SLC5A1: variants seen among roughly 807,000 people sequenced by gnomAD.
SLC5A1 encodes the protein solute carrier family 5 member 1.
Under a neutral mutation model 73.5 loss-of-function variants are expected in SLC5A1, and 42 were observed. That is an observed-to-expected ratio of 0.57 (90% CI 0.45 to 0.74). The LOEUF (loss-of-function observed/expected upper bound fraction) is 0.74, where lower values mean the gene tolerates loss of function less well. Among genes scored for constraint, SLC5A1 ranks in the 30% least tolerant of loss-of-function variants. The pLI is 0.00. For synonymous variants in SLC5A1, 300 were observed against 317.4 expected (o/e 0.95, Z 0.58); for missense variants, 634 against 855.4 (o/e 0.74, Z 3.23).
chr22:32,086,098 GCCACTGCA>G, intron 9 of SLC5A1, 114 bp from the exon 10 acceptor site: 1 of 700,688 alleles, frequency 1.4e-6, no homozygotes, highest in Middle Eastern at 2.5e-4. Context: ...CCGAGATCGT[GCCACTGCA>G]CTCCAGCCTG....
intron 2 of SLC5A1, among the ~76,000 whole-genome samples, chr22:32,056,456 T>TA (rs1817136175): frequency 6.8e-6 from 1 of 147,174 alleles, no homozygotes; most frequent in Non-Finnish European, 1.5e-5. Flanking sequence ...TTTTTTTTTT[T>TA]AGCATAAGTA....
At position 32,111,822 on chromosome 22, in the gene SLC5A1, T is replaced by C. The variant is rs530721689; in HGVS notation, c.*1609T>C. The C allele has an allele frequency of 6.6e-6, 1 of 152,338 alleles. No homozygotes were observed. Among genetic ancestry groups the C allele is most frequent in the East Asian group, 1.9e-4 (1 of 5,186 alleles). The allele number at this position is 152,338 out of a possible 1,614,324, so 9.4% of individuals were successfully genotyped here. A position where few individuals can be genotyped will look rare whatever the true frequency, so the allele number is the denominator to read the frequency against. On this transcript the variant is annotated 3_prime_UTR_variant, in exon 15 of 15. Coordinates refer to ENST00000266088, the MANE Select transcript of SLC5A1 (RefSeq NM_000343.4). ...CAATCTAAACTATCCGGTGTTTAGT[T>C]TGATTTTTTGAGTGCAGGTTCATTC...
At chr22:32,069,271 C>T (rs963037050) in intron 5 of SLC5A1, among the ~76,000 whole-genome samples, 16 of 151,932 alleles carry the variant, frequency 1.1e-4, no homozygotes, top group South Asian at 4.2e-4. Flanking sequence ...TGGGGGTGAG[C>T]GGGTGGGGAG....
rs754369288 is a variant in SLC5A1 at position 32,110,113 on chromosome 22, T to C, written c.1895T>C (p.Met632Thr). 9.9e-6 allele frequency: 16 copies of C among 1,614,172 alleles called. No homozygotes were observed. Among genetic ancestry groups the C allele is most frequent in the Non-Finnish European group, 1.4e-5 (16 of 1,180,000 alleles). ...GAGGAGAAAGCCATGAAGATGAAGA[T>C]GACGGACACCTCTGAGAAGCCTTTG... ...EEEEKAMKMKMTDTSEKPLWR... is the reference protein window; with the variant it reads ...EEEEKAMKMKTTDTSEKPLWR... The change falls in exon 15 of 15, where the codon ATG becomes ACG. Residue 632 changes from methionine (M) to threonine (T), a missense_variant. Coordinates refer to ENST00000266088, the MANE Select transcript of SLC5A1 (RefSeq NM_000343.4).
intron 10 of SLC5A1, among the ~76,000 whole-genome samples, chr22:32,091,264 T>G (rs1569313305): frequency 6.6e-6 from 1 of 150,844 alleles, no homozygotes; most frequent in Non-Finnish European, 1.5e-5. Context: ...AGAGACCTTA[T>G]AAAAATCCCC....
At chr22:32,049,383 T>C (rs1481494006) in intron 1 of SLC5A1, among the ~76,000 whole-genome samples, 2 of 146,950 alleles carry the variant, frequency 1.4e-5, no homozygotes, top group African/African-American at 4.9e-5. Context: ...ACATCCCATA[T>C]GGTACTTTTT....
rs200202680 is a variant in SLC5A1, at chr22:32,060,154, C to T, written c.208-6781C>T. ...ACATATATATACACATACACACACACACACACACACACACACACACACACA... is the reference window on the plus strand; with the variant it reads ...ACATATATATACACATACACACACATACACACACACACACACACACACACA... On this transcript the variant is annotated intron_variant, in intron 2 of 14. Transcript: ENST00000266088. Among the ~76,000 whole-genome samples, 367 of 40,676 alleles carry T rather than the reference C, an allele frequency of 9.0e-3. 6 individuals are homozygous for T. The highest frequency in any genetic ancestry group is 0.058 in the East Asian group (11 of 190). 26.7% of individuals were successfully genotyped at this position (40,676 alleles called of 152,430 possible). A position where few individuals can be genotyped will look rare whatever the true frequency, so the allele number is the denominator to read the frequency against.
In SLC5A1 at chr22:32,112,611, G is replaced by A. The variant is rs995211141; in HGVS notation, c.*2398G>A. On this transcript the variant is annotated 3_prime_UTR_variant, in exon 15 of 15. Coordinates refer to ENST00000266088, the MANE Select transcript of SLC5A1 (RefSeq NM_000343.4). ...AATGAGTACCAAACACAAAAGTCAA[G>A]CTTGTAAAATATCAGGCCTTGCCCC... 2.2e-4 allele frequency: 33 copies of A among 152,136 alleles called. No homozygotes were observed. The highest frequency in any genetic ancestry group is 8.0e-4 in the African/African-American group (33 of 41,430). The allele number at this position is 152,136 out of a possible 1,614,324, so 9.4% of individuals were successfully genotyped here. A position where few individuals can be genotyped will look rare whatever the true frequency, so the allele number is the denominator to read the frequency against.
intron 4 of SLC5A1, 127 bp from the exon 5 acceptor site, chr22:32,068,369 C>A: frequency 1.3e-6 from 1 of 764,774 alleles, no homozygotes; most frequent in Non-Finnish European, 2.3e-6. Context: ...ACTTCTCTGG[C>A]CAGCAAAAGT....
At position 32,091,724 on chromosome 22, in the gene SLC5A1, C is replaced by A; in HGVS notation, c.1242C>A (p.Arg414=). 6.2e-7 allele frequency: 1 copy of A among 1,614,008 alleles called. No individual in the cohort carries two copies. Among genetic ancestry groups the A allele is most frequent in the Non-Finnish European group, 8.5e-7 (1 of 1,179,968 alleles). ...LFTMDIYAKV[R]KRASEKELMI... is the part of the protein sequence containing the mutation. ...CCATGGACATCTACGCCAAGGTCCG[C>A]AAGAGAGCATCTGAGAAAGAGCTCA... Residue 414 remains arginine, a synonymous_variant, in exon 11 of 15, where the codon CGC becomes CGA. Transcript: ENST00000266088.
At chr22:32,102,780 G>T (rs973709306) in intron 13 of SLC5A1, among the ~76,000 whole-genome samples, 6 of 152,028 alleles carry the variant, frequency 3.9e-5, no homozygotes, top group Admixed American at 1.3e-4. Context: ...CATGAGTTTG[G>T]TTTTTAAAAC....
chr22:32,107,091 T>C (rs970101378), intron 14 of SLC5A1, among the ~76,000 whole-genome samples: 2 of 152,144 alleles, frequency 1.3e-5, no homozygotes, highest in African/African-American at 4.8e-5. Context: ...ATTCTAAAAC[T>C]TGTGACTGCA....
chr22:32,078,930 G>A (rs916624218), intron 5 of SLC5A1, among the ~76,000 whole-genome samples: 1 of 136,290 alleles, frequency 7.3e-6, no homozygotes, highest in African/African-American at 2.9e-5. Flanking sequence ...ACTCCAGCCT[G>A]GCGAAAGAGC....
chr22:32,053,200 G>T (rs2093947313), intron 2 of SLC5A1, among the ~76,000 whole-genome samples: 1 of 152,054 alleles, frequency 6.6e-6, no homozygotes, highest in Non-Finnish European at 1.5e-5. Flanking sequence ...GGTATATTTT[G>T]GGTGGGAGCT....
chr22:32,106,684 C>T (rs2094046572), intron 14 of SLC5A1, among the ~76,000 whole-genome samples: 1 of 152,206 alleles, frequency 6.6e-6, no homozygotes. Flanking sequence ...AACGCTTAGT[C>T]AGTGCCCAGA....
intron 14 of SLC5A1, among the ~76,000 whole-genome samples, 194 bp downstream of exon 14, chr22:32,105,085 G>A (rs921962559): frequency 1.7e-4 from 26 of 152,110 alleles, no homozygotes; most frequent in African/African-American, 6.0e-4. Context: ...GAAAGAAAGG[G>A]TACAGAATCA....
chr22:32,095,914 C>CGAA (rs1331104987), intron 11 of SLC5A1, among the ~76,000 whole-genome samples: 3 of 152,188 alleles, frequency 2.0e-5, no homozygotes, highest in African/African-American at 7.2e-5. Flanking sequence ...AAATACTTCT[C>CGAA]CCGTGATCTA....
intron 5 of SLC5A1, among the ~76,000 whole-genome samples, chr22:32,079,603 A>G (rs1177869144): frequency 1.3e-5 from 2 of 152,174 alleles, no homozygotes; most frequent in Non-Finnish European, 2.9e-5. Context: ...TACTCTGGAA[A>G]ATCAACCAAG....
rs144850068 is a variant in SLC5A1, at chr22:32,058,105, T to TAC, written c.207+8108_207+8109dup. 3.2e-3 allele frequency among the ~76,000 whole-genome samples: 479 copies of TAC among 150,736 alleles called. 5 individuals are homozygous for TAC. Among genetic ancestry groups the TAC allele is most frequent in the African/African-American group, 7.5e-3 (309 of 41,194 alleles). On this transcript the variant is annotated intron_variant, in intron 2 of 14. Transcript: ENST00000266088. Reference sequence around the variant, plus strand: ...TTGGATATATATATGTATACACAGGTACACACACACACACACACCTATGCA... The same window carrying TAC: ...TTGGATATATATATGTATACACAGGTACACACACACACACACACACCTATGCA...
Sources: allele counts gnomAD v4.1 joint callset (sites outside exome capture counted in the v4.1 genomes callset), GRCh38; gene constraint gnomAD v4.1.1; transcripts MANE v1.5; gene names NCBI Gene and HGNC (gene_info 2026-07-23, HGNC 2026-07-21).